The following GATAD1 variants were observed in gnomAD, a reference collection of about 807,000 sequenced individuals.
GATAD1 encodes the protein GATA zinc finger domain-containing protein 1.
Under a neutral mutation model 26.5 loss-of-function variants are expected in GATAD1, and 12 were observed. The ratio of observed to expected loss-of-function variants is 0.45; its 90% CI spans 0.29 to 0.73. GATAD1 has a LOEUF of 0.73. Ranked by LOEUF, GATAD1 falls within the 30% of genes least tolerant of loss-of-function variation. The pLI is 0.10. For missense variants in GATAD1, 266 were observed against 342.1 expected, an observed-to-expected ratio of 0.78 and a Z score of 1.75; for synonymous variants, 129 against 133.1, an observed-to-expected ratio of 0.97 and a Z score of 0.21.
At chr7:92,471,682 T>G in the GATAD1 span, 4 of 152,308 alleles carry the variant, frequency 2.6e-5, no homozygotes, top group Admixed American at 2.6e-4. Flanking sequence ...TTCTCTTCTA[T>G]TTCCCTTTCC....
intron 4 of GATAD1, among the ~76,000 whole-genome samples, chr7:92,455,700 G>C (rs1299014599): frequency 6.6e-6 from 1 of 152,056 alleles, no homozygotes; most frequent in Non-Finnish European, 1.5e-5. Flanking sequence ...AGAACTCCAG[G>C]GACAAATAAT....
chr7:92,480,493 A>G, the GATAD1 span, among the ~76,000 whole-genome samples: 1 of 152,216 alleles, frequency 6.6e-6, no homozygotes, highest in Admixed American at 6.5e-5. Context: ...ATATGTTTCC[A>G]CGATGGAAGG....
chr7:92,475,813 A>T, the GATAD1 span, among the ~76,000 whole-genome samples: 2 of 152,164 alleles, frequency 1.3e-5, no homozygotes, highest in Admixed American at 1.3e-4. Context: ...CCCCATCAAG[A>T]TGCATTCCCA....
At chr7:92,449,232 T>C in intron 2 of GATAD1, 2 of 877,192 alleles carry the variant, frequency 2.3e-6, no homozygotes, top group Middle Eastern at 5.8e-4. Flanking sequence ...AGAAAACTTT[T>C]TTTTTTCATT....
intron 3 of GATAD1, among the ~76,000 whole-genome samples, chr7:92,453,392 A>G (rs978317182): frequency 8.5e-5 from 13 of 152,252 alleles, no homozygotes; most frequent in African/African-American, 2.7e-4. Context: ...CTCAAGACCC[A>G]GGGAAGAGGA....
chr7:92,489,824 C>A, the GATAD1 span: 317 of 1,613,984 alleles, frequency 2.0e-4, 3 homozygotes, highest in Non-Finnish European at 5.8e-5. Flanking sequence ...GTCCTTAACA[C>A]TGGAGGCTGT....
rs745814319 is a variant in GATAD1, at chr7:92,448,733, T to C, written c.250-19T>C. 6.2e-6 allele frequency: 10 copies of C among 1,604,168 alleles called. No individual in the cohort carries two copies. ...TTTACTTCTTTCTCTTTTTGTTCTT[T>C]AATTTGTTTGTGTAACAGAGTAAGC... On this transcript the variant is annotated intron_variant, in intron 1 of 4. Transcript: ENST00000287957.
the GATAD1 span, among the ~76,000 whole-genome samples, chr7:92,491,852 T>C: frequency 6.6e-6 from 1 of 152,184 alleles, no homozygotes; most frequent in Non-Finnish European, 1.5e-5. Flanking sequence ...TTTCTCATTA[T>C]AGAGAGCTCT....
At position 92,457,159 on chromosome 7, in the gene GATAD1, C is replaced by CG. The variant is rs763393241; in HGVS notation, c.*599dup. ...GGGCAACAGAGTGAGACTCTTGTCTCGGAAAAAAAAAAAAAAAAAAAAGGC... is the reference window on the plus strand; with the variant it reads ...GGGCAACAGAGTGAGACTCTTGTCTCGGGAAAAAAAAAAAAAAAAAAAAGGC... On this transcript the variant is annotated 3_prime_UTR_variant, in exon 5 of 5. Coordinates refer to ENST00000287957, the MANE Select transcript of GATAD1 (RefSeq NM_021167.5). The CG allele has an allele frequency of 0.071, 7,628 of 106,972 alleles. 294 individuals carry two copies. The highest frequency in any genetic ancestry group is 0.092 in the Non-Finnish European group (5,038 of 54,958). 6.6% of individuals were successfully genotyped at this position (106,972 alleles called of 1,614,324 possible).
At chr7:92,448,037 ACGGGCTGGCTGGGAGCGGGCGGGCG>A (rs1422923073) in intron 1 of GATAD1, 59 bp downstream of exon 1, 45 of 1,171,582 alleles carry the variant, frequency 3.8e-5, no homozygotes, top group African/African-American at 2.1e-4. Context: ...GCGGGCGGGG[ACGGGCTGGCTGGGAGCGGGCGGGCG>A]CGGGCTTCCC....
downstream of GATAD1, among the ~76,000 whole-genome samples, chr7:92,460,972 G>A (rs1357945524): frequency 6.6e-6 from 1 of 152,080 alleles, no homozygotes; most frequent in Admixed American, 6.6e-5. Flanking sequence ...TGCCCAACTG[G>A]TGGTGAACAA....
rs766384408 is a variant in GATAD1 at position 92,456,453 on chromosome 7, C to A, written c.701C>A (p.Ser234Ter). 15 of 1,611,596 alleles carry A rather than the reference C, an allele frequency of 9.3e-6. No homozygotes were observed. The highest frequency in any genetic ancestry group is 9.3e-6 in the Non-Finnish European group (11 of 1,177,818). Residue 234 changes from serine to a stop codon, truncating the protein, a stop_gained, in exon 5 of 5, where the codon TCA becomes TAA. Coordinates refer to ENST00000287957, the MANE Select transcript of GATAD1 (RefSeq NM_021167.5). LOFTEE classifies it high-confidence loss of function. ...HAPSEYFKSR[S>*]SPFPTVPTRP... Reference sequence around the variant, plus strand: ...CCTTCTGAGTATTTCAAGTCACGGTCATCACCATTTCCCACAGTTCCCACC... The same window carrying A: ...CCTTCTGAGTATTTCAAGTCACGGTAATCACCATTTCCCACAGTTCCCACC...
At chr7:92,473,817 A>G in the GATAD1 span, among the ~76,000 whole-genome samples, 2 of 151,936 alleles carry the variant, frequency 1.3e-5, no homozygotes, top group Non-Finnish European at 2.9e-5. Context: ...CTGGCCCTCA[A>G]TGGTCAAGCA....
chr7:92,489,488 AGTT>A, the GATAD1 span: 1 of 1,395,576 alleles, frequency 7.2e-7, no homozygotes, highest in East Asian at 2.3e-5. Flanking sequence ...GTGGTAGTCC[AGTT>A]GTTACTTCTT....
the GATAD1 span, chr7:92,469,114 T>A: frequency 2.8e-6 from 2 of 702,154 alleles, no homozygotes; most frequent in African/African-American, 1.7e-5. Context: ...TTGTATTCGA[T>A]CTCGAATTTC....
the GATAD1 span, chr7:92,493,151 TAACA>T: frequency 7.2e-7 from 1 of 1,381,876 alleles, no homozygotes; most frequent in Non-Finnish European, 1.0e-6. Context: ...AAAATTTATT[TAACA>T]AATAAAAAAT....
At chr7:92,470,474 C>A in the GATAD1 span, 235 of 601,362 alleles carry the variant, frequency 3.9e-4, 1 homozygote, top group Admixed American at 7.2e-3. Flanking sequence ...CTAGCGTTGT[C>A]TCCTGGATTT....
chr7:92,475,031 C>T, the GATAD1 span: 1 of 152,078 alleles, frequency 6.6e-6, no homozygotes, highest in East Asian at 1.9e-4. Flanking sequence ...ACTCTGAAGG[C>T]TTCCTGTAGG....
the GATAD1 span, chr7:92,492,943 T>C: frequency 6.2e-7 from 1 of 1,606,612 alleles, no homozygotes; most frequent in Non-Finnish European, 8.5e-7. Context: ...AACTTCCTCA[T>C]ATAACTTGCC....
Sources: allele counts gnomAD v4.1 joint callset (sites outside exome capture counted in the v4.1 genomes callset), GRCh38; gene constraint gnomAD v4.1.1; transcripts MANE v1.5; gene names NCBI Gene and HGNC (gene_info 2026-07-23, HGNC 2026-07-21).